The following EFCAB6 variants were observed in gnomAD, a reference collection of about 807,000 sequenced individuals.
EFCAB6 encodes EF-hand calcium binding domain 6.
EFCAB6 carries 156 observed loss-of-function variants against 169.8 expected under a neutral mutation model. The ratio of observed to expected loss-of-function variants is 0.92; its 90% CI spans 0.81 to 1.05. EFCAB6 has a LOEUF of 1.05. EFCAB6 is among the 50% of genes least tolerant of loss of function. EFCAB6 has a pLI of 0.00. For synonymous variants in EFCAB6, 698 were observed against 676.4 expected (o/e 1.03, Z -0.50); for missense variants, 1,800 against 1,829.1 (o/e 0.98, Z 0.29).
rs567363138 is a variant in EFCAB6, at chr22:43,581,303, T to G, written c.3033-644A>C. On this transcript the variant is annotated intron_variant, in intron 24 of 31. Coordinates refer to ENST00000262726, the MANE Select transcript of EFCAB6 (RefSeq NM_022785.4). Reference sequence around the variant, plus strand: ...CATTAAATTCTCTTTCAGGAGTGGTTGAAATGAAGTTGTCAAGCTGAAAGC... The same window carrying G: ...CATTAAATTCTCTTTCAGGAGTGGTGGAAATGAAGTTGTCAAGCTGAAAGC... Among the ~76,000 whole-genome samples, 16 of 152,278 alleles carry G rather than the reference T, an allele frequency of 1.1e-4. No individual in the cohort carries two copies. In the East Asian group the frequency reaches 2.5e-3, roughly 24 times the overall value.
intron 30 of EFCAB6, among the ~76,000 whole-genome samples, chr22:43,531,775 AAG>A (rs2047081918): frequency 6.6e-6 from 1 of 152,114 alleles, no homozygotes; most frequent in Non-Finnish European, 1.5e-5. Flanking sequence ...ACAGGTGGGG[AAG>A]AGAGGGTGTG....
intron 10 of EFCAB6, among the ~76,000 whole-genome samples, chr22:43,688,226 G>A (rs1363468623): frequency 6.6e-6 from 1 of 152,104 alleles, no homozygotes; most frequent in Admixed American, 6.6e-5. Flanking sequence ...AAAAGCAAAT[G>A]AATTTGCCCC....
intron 7 of EFCAB6, among the ~76,000 whole-genome samples, chr22:43,734,735 G>GA (rs903496334): frequency 7.5e-5 from 11 of 146,230 alleles, no homozygotes; most frequent in East Asian, 2.0e-4. Context: ...GTTATAAAGA[G>GA]AAAAAAAAAA....
rs2054529846 is a variant in EFCAB6, at chr22:43,626,448, T to G, written c.2464A>C (p.Arg822=). The G allele has an allele frequency of 6.2e-7, 1 of 1,614,042 alleles. No individual in the cohort carries two copies. Among genetic ancestry groups the G allele is most frequent in the Non-Finnish European group, 8.5e-7 (1 of 1,179,952 alleles). Residue 822 remains arginine, a splice_region_variant and synonymous_variant, in exon 20 of 32, where the codon AGA becomes CGA. Transcript: ENST00000262726. ...RTDEAPQRLI[R]PKQKVADSEL... ...CACAGACCCGTGCTGCCTTCTTACC[T>G]AATGAGTCTTTGAGGCGCTTCATCT... is the stretch of plus-strand genomic sequence containing the variant.
At chr22:43,719,792 T>C (rs1457627032) in intron 8 of EFCAB6, among the ~76,000 whole-genome samples, 3 of 152,222 alleles carry the variant, frequency 2.0e-5, no homozygotes, top group African/African-American at 7.2e-5. Context: ...TGCCTGGCAC[T>C]TGGTAGATAC....
intron 3 of EFCAB6, among the ~76,000 whole-genome samples, chr22:43,781,297 A>T (rs950856680): frequency 9.2e-5 from 14 of 152,144 alleles, no homozygotes; most frequent in Non-Finnish European, 4.4e-5. Flanking sequence ...ACAATTGCAA[A>T]ACACGGAGGC....
intron 8 of EFCAB6, among the ~76,000 whole-genome samples, chr22:43,721,576 T>G (rs1292573425): frequency 6.6e-6 from 1 of 151,982 alleles, no homozygotes; most frequent in Admixed American, 6.6e-5. Context: ...AATAGGAAAC[T>G]CAGAAATAAA....
chr22:43,555,192 G>C, intron 26 of EFCAB6, 96 bp from the exon 27 acceptor site: 2 of 1,314,726 alleles, frequency 1.5e-6, no homozygotes, highest in South Asian at 1.3e-5. Context: ...GGGAGACCCA[G>C]CGTGGTGGGG....
intron 17 of EFCAB6, among the ~76,000 whole-genome samples, chr22:43,666,505 C>T (rs1464645211): frequency 6.6e-6 from 1 of 152,134 alleles, no homozygotes; most frequent in Non-Finnish European, 1.5e-5. Context: ...AAATGCTTTC[C>T]TTAAAAATAG....
chr22:43,530,026 G>A (rs2046964812), intron 31 of EFCAB6, among the ~76,000 whole-genome samples: 1 of 152,188 alleles, frequency 6.6e-6, no homozygotes, highest in Admixed American at 6.5e-5. Flanking sequence ...CAGCAGGCCT[G>A]GCCATTGGGC....
At chr22:43,777,432 G>T (rs188151480) in intron 3 of EFCAB6, among the ~76,000 whole-genome samples, 2 of 152,180 alleles carry the variant, frequency 1.3e-5, no homozygotes, top group Admixed American at 6.5e-5. Context: ...ACAGCCCTGA[G>T]GGGGAAGAAG....
intron 27 of EFCAB6, among the ~76,000 whole-genome samples, chr22:43,545,953 G>A (rs2048031375): frequency 6.6e-6 from 1 of 151,950 alleles, no homozygotes; most frequent in African/African-American, 2.4e-5. Context: ...CTAAACACAT[G>A]AAGAGGCAAG....
chr22:43,578,970 G>C (rs1253432071), intron 25 of EFCAB6, among the ~76,000 whole-genome samples: 1 of 148,410 alleles, frequency 6.7e-6, no homozygotes, highest in Admixed American at 6.8e-5. Context: ...ATACACATAG[G>C]CATCATTCCG....
At chr22:43,773,134 A>G (rs1373847130) in intron 3 of EFCAB6, 31 bp from the exon 4 acceptor site, 1 of 1,608,536 alleles carries the variant, frequency 6.2e-7, no homozygotes, top group Non-Finnish European at 8.5e-7. Context: ...TTTATTAAAC[A>G]TGTTTAAAGC....
intron 23 of EFCAB6, among the ~76,000 whole-genome samples, chr22:43,599,782 G>C (rs935629675): frequency 2.0e-5 from 3 of 152,156 alleles, no homozygotes; most frequent in Admixed American, 6.5e-5. Flanking sequence ...GGCGTGGCCA[G>C]GCGGTATGCC....
At chr22:43,779,833 A>G (rs1157035648) in intron 3 of EFCAB6, among the ~76,000 whole-genome samples, 1 of 152,150 alleles carries the variant, frequency 6.6e-6, no homozygotes, top group Non-Finnish European at 1.5e-5. Context: ...AAAAAAGAAA[A>G]ATACCTGTGG....
intron 30 of EFCAB6, among the ~76,000 whole-genome samples, chr22:43,534,162 G>A (rs2047249733): frequency 6.6e-6 from 1 of 152,184 alleles, no homozygotes; most frequent in African/African-American, 2.4e-5. Context: ...GGACCTGGTG[G>A]GAGGTGATTG....
At chr22:43,635,354 A>C in intron 17 of EFCAB6, 138 bp from the exon 18 acceptor site, 1 of 667,062 alleles carries the variant, frequency 1.5e-6, no homozygotes, top group Non-Finnish European at 2.7e-6. Flanking sequence ...ACAGGCTGCC[A>C]GGGGGTGGGA....
At chr22:43,650,746 T>C (rs1299236735) in intron 17 of EFCAB6, among the ~76,000 whole-genome samples, 1 of 152,006 alleles carries the variant, frequency 6.6e-6, no homozygotes, top group Non-Finnish European at 1.5e-5. Flanking sequence ...AACAATAAGG[T>C]CCAGGCTGAG....
Sources: allele counts gnomAD v4.1 joint callset (sites outside exome capture counted in the v4.1 genomes callset), GRCh38; gene constraint gnomAD v4.1.1; transcripts MANE v1.5; gene names NCBI Gene and HGNC (gene_info 2026-07-23, HGNC 2026-07-21).